Variants in MRTFA observed in about 807,000 individuals in gnomAD.
The protein encoded by MRTFA is myocardin-related transcription factor A.
A neutral mutation model predicts 83.5 loss-of-function variants in MRTFA; 20 were observed. The observed-to-expected ratio is 0.24, with a 90% confidence interval of 0.17 to 0.35. MRTFA has a LOEUF of 0.35. MRTFA is among the 10% of genes least tolerant of loss of function. The probability of loss-of-function intolerance (pLI) is 1.00; values close to 1 mark genes in which losing one functional copy is unlikely to be tolerated. For synonymous variants in MRTFA, 659 were observed against 541.2 expected, an observed-to-expected ratio of 1.22 and a Z score of -3.02; for missense variants, 1,200 against 1,224.7, an observed-to-expected ratio of 0.98 and a Z score of 0.30.
rs1230230568 is a variant in MRTFA at position 40,417,325 on chromosome 22, A to G, written c.2517+16T>C. 6.2e-7 allele frequency: 1 copy of G among 1,608,180 alleles called. No individual in the cohort carries two copies. Among genetic ancestry groups the G allele is most frequent in the African/African-American group, 1.3e-5 (1 of 74,966 alleles). On this transcript the variant is annotated intron_variant, in intron 13 of 14. Coordinates refer to ENST00000355630, the MANE Select transcript of MRTFA (RefSeq NM_020831.6). ...GCAGCTGCCAACACTAGCCAGGCCTAGCCCGCCTTCCTCACCTGCTGTTTG... is the reference window on the plus strand; with the variant it reads ...GCAGCTGCCAACACTAGCCAGGCCTGGCCCGCCTTCCTCACCTGCTGTTTG...
chr22:40,628,405 G>T (rs896780217), intron 1 of MRTFA, among the ~76,000 whole-genome samples: 4 of 152,032 alleles, frequency 2.6e-5, no homozygotes, highest in African/African-American at 9.7e-5. Flanking sequence ...TTTAATACAA[G>T]AACAATTATT....
intron 3 of MRTFA, among the ~76,000 whole-genome samples, chr22:40,535,545 G>A (rs549128304): frequency 2.4e-4 from 36 of 151,832 alleles, no homozygotes; most frequent in Non-Finnish European, 3.8e-4. Context: ...TAAAGATGGG[G>A]TTTCACCATG....
At chr22:40,431,549 A>AACTAAAC in intron 5 of MRTFA, 69 bp from the exon 6 acceptor site, 1 of 1,452,168 alleles carries the variant, frequency 6.9e-7, no homozygotes, top group Non-Finnish European at 9.7e-7. Flanking sequence ...CAGGATCACA[A>AACTAAAC]CAGCAGCCTT....
intron 3 of MRTFA, among the ~76,000 whole-genome samples, chr22:40,548,735 G>A (rs925157194): frequency 2.6e-5 from 4 of 151,496 alleles, no homozygotes; most frequent in Non-Finnish European, 4.4e-5. Context: ...GTGGTGTTGC[G>A]CACCTGTAGT....
At chr22:40,468,977 A>G (rs183073331) in intron 3 of MRTFA, among the ~76,000 whole-genome samples, 6 of 152,334 alleles carry the variant, frequency 3.9e-5, no homozygotes, top group Non-Finnish European at 5.9e-5. Flanking sequence ...AGTATACTAG[A>G]AAGTAAATTA....
At chr22:40,482,968 G>A (rs549894327) in intron 3 of MRTFA, among the ~76,000 whole-genome samples, 4 of 152,086 alleles carry the variant, frequency 2.6e-5, no homozygotes, top group Non-Finnish European at 4.4e-5. Context: ...ACATCTGGTT[G>A]TGTGTGCCTG....
Position 40,472,570 on chromosome 22 carries a change from CAAAT to C in MRTFA, c.242-9288_242-9285del, listed in dbSNP as rs763628667. On this transcript the variant is annotated intron_variant, in intron 3 of 14. Coordinates refer to ENST00000355630, the MANE Select transcript of MRTFA (RefSeq NM_020831.6). ...CATTGAAAAACTTAAGAATGAATAA[CAAAT>C]AATTTTTTTCTCAAATTCCTTTTTA... is the stretch of plus-strand genomic sequence containing the variant. Among the ~76,000 whole-genome samples the C allele has an allele frequency of 5.1e-4, 77 of 152,192 alleles. No individual in the cohort carries two copies. In the Middle Eastern group the frequency reaches 0.017, roughly 34 times the overall value.
intron 4 of MRTFA, among the ~76,000 whole-genome samples, chr22:40,443,016 G>A (rs113106384): frequency 4.5e-4 from 69 of 152,212 alleles, no homozygotes; most frequent in African/African-American, 1.2e-3. Flanking sequence ...TTGGGAGGCC[G>A]AGGTCGGGGG....
chr22:40,526,549 T>C (rs2054976553), intron 3 of MRTFA: 1 of 152,232 alleles, frequency 6.6e-6, no homozygotes, highest in Non-Finnish European at 1.5e-5. Context: ...AAGCAGTTCA[T>C]GTGGGACTTT....
At chr22:40,413,894 A>G (rs971685513) in intron 14 of MRTFA, among the ~76,000 whole-genome samples, 2 of 152,238 alleles carry the variant, frequency 1.3e-5, no homozygotes, top group Admixed American at 6.5e-5. Context: ...CTTCACACCC[A>G]TTAGGATGGC....
rs143293740 is a variant in MRTFA, at chr22:40,546,274, A to G, written c.241+5832T>C. Among the ~76,000 whole-genome samples the G allele has an allele frequency of 8.8e-4, 134 of 152,340 alleles. 1 individual carries two copies. In the Middle Eastern group the frequency reaches 0.02, roughly 23 times the overall value. ...CAAAAACCTACTGTAAAATACAACAATCTTCTTACCAGCCTCTTTCCTCCA... is the reference window on the plus strand; with the variant it reads ...CAAAAACCTACTGTAAAATACAACAGTCTTCTTACCAGCCTCTTTCCTCCA... On this transcript the variant is annotated intron_variant, in intron 3 of 14. Coordinates refer to ENST00000355630, the MANE Select transcript of MRTFA (RefSeq NM_020831.6).
intron 5 of MRTFA, 132 bp from the exon 6 acceptor site, chr22:40,431,612 A>G (rs995807473): frequency 2.4e-6 from 2 of 835,082 alleles, no homozygotes; most frequent in Non-Finnish European, 4.0e-6. Flanking sequence ...TAACTTGGTG[A>G]CTGCAGGGTT....
intron 3 of MRTFA, among the ~76,000 whole-genome samples, chr22:40,501,029 C>T (rs1201121636): frequency 8.1e-6 from 1 of 122,858 alleles, no homozygotes; most frequent in South Asian, 3.0e-4. Context: ...GGGGCTGACC[C>T]CCCAACCTCC....
chr22:40,568,495 A>C (rs2055737912), intron 2 of MRTFA, among the ~76,000 whole-genome samples: 1 of 152,200 alleles, frequency 6.6e-6, no homozygotes, highest in South Asian at 2.1e-4. Context: ...TTCCTTTCAA[A>C]GCCTCTTGCT....
intron 3 of MRTFA, among the ~76,000 whole-genome samples, chr22:40,480,258 A>G (rs1293183277): frequency 6.6e-6 from 1 of 151,702 alleles, no homozygotes; most frequent in East Asian, 1.9e-4. Context: ...AAAACACACC[A>G]GTTCTCTGTA....
Position 40,538,985 on chromosome 22 carries a change from C to CTTTTTTT in MRTFA, c.241+13120_241+13121insAAAAAAA, listed in dbSNP as rs201694198. 1.0e-4 allele frequency among the ~76,000 whole-genome samples: 11 copies of CTTTTTTT among 106,888 alleles called. 1 individual carries two copies. The highest frequency in any genetic ancestry group is 1.1e-4 in the African/African-American group (3 of 26,250). The allele number at this position is 106,888 out of a possible 152,430, so 70.1% of individuals were successfully genotyped here. A position where few individuals can be genotyped will look rare whatever the true frequency, so the allele number is the denominator to read the frequency against. ...GACATTATACTGCAGGATACACAGC[C>CTTTTTTT]TTTTGTTTTTTTTTTTTTTTTTTTT... On this transcript the variant is annotated intron_variant, in intron 3 of 14. Transcript: ENST00000355630.
chr22:40,547,525 G>A (rs2063846080), intron 3 of MRTFA, among the ~76,000 whole-genome samples: 2 of 152,134 alleles, frequency 1.3e-5, no homozygotes, highest in African/African-American at 4.8e-5. Context: ...AGAAGTCAGT[G>A]TGCCTGGGAG....
chr22:40,437,945 C>T (rs938594332), intron 4 of MRTFA, among the ~76,000 whole-genome samples: 3 of 152,126 alleles, frequency 2.0e-5, no homozygotes, highest in Non-Finnish European at 4.4e-5. Flanking sequence ...AATAATTATT[C>T]ACTCGATGAA....
intron 2 of MRTFA, among the ~76,000 whole-genome samples, chr22:40,591,989 T>C (rs1416477059): frequency 6.6e-6 from 1 of 152,174 alleles, no homozygotes; most frequent in Non-Finnish European, 1.5e-5. Flanking sequence ...TTCAGTTTAA[T>C]TGCATATCAC....
Sources: allele counts gnomAD v4.1 joint callset (sites outside exome capture counted in the v4.1 genomes callset), GRCh38; gene constraint gnomAD v4.1.1; transcripts MANE v1.5; gene names NCBI Gene and HGNC (gene_info 2026-07-23, HGNC 2026-07-21).